TRPV3: variants seen among roughly 807,000 people sequenced by gnomAD.
TRPV3 encodes transient receptor potential cation channel subfamily V member 3, also known as VRL-3.
In TRPV3, 88 loss-of-function variants were observed where a neutral mutation model predicts 87.1. The observed-to-expected ratio is 1.01, with a 90% CI of 0.85 to 1.21. The LOEUF is 1.21. TRPV3 is among the 50% of genes most tolerant of loss of function. The pLI, the probability that TRPV3 is intolerant of heterozygous loss-of-function variation, is 0.00. For missense variants in TRPV3, 1,054 were observed against 1,030.1 expected, an observed-to-expected ratio of 1.02 and a Z score of -0.32; for synonymous variants, 438 against 423.3, an observed-to-expected ratio of 1.03 and a Z score of -0.43.
chr17:3,514,431 A>G (rs1424356760), intron 17 of TRPV3, 162 bp downstream of exon 17: 2 of 619,568 alleles, frequency 3.2e-6, no homozygotes, highest in African/African-American at 1.8e-5. Context: ...AGTTGTGCCA[A>G]CTAGGGTTCT....
intron 6 of TRPV3, among the ~76,000 whole-genome samples, chr17:3,537,762 C>T (rs1377114054): frequency 1.3e-5 from 2 of 151,268 alleles, no homozygotes; most frequent in Non-Finnish European, 2.9e-5. Context: ...AAAAATTAGC[C>T]AAGTGTGGTG....
intron 6 of TRPV3, chr17:3,539,467 C>G (rs993678746): frequency 3.3e-5 from 5 of 152,174 alleles, no homozygotes; most frequent in African/African-American, 9.6e-5. Flanking sequence ...GCCTGGGCAA[C>G]ATGGTGAAAC....
At chr17:3,514,240 G>A (rs920000507) in intron 17 of TRPV3, 6 of 485,684 alleles carry the variant, frequency 1.2e-5, no homozygotes, top group South Asian at 2.5e-5. Flanking sequence ...CACCACGTTC[G>A]GCTAATTTTT....
chr17:3,536,374 A>C (rs1301967412), intron 6 of TRPV3, among the ~76,000 whole-genome samples: 1 of 152,214 alleles, frequency 6.6e-6, no homozygotes, highest in Non-Finnish European at 1.5e-5. Context: ...GGATCACCTG[A>C]GGTCAGGAGT....
intron 1 of TRPV3, among the ~76,000 whole-genome samples, chr17:3,555,068 G>C (rs1173686530): frequency 6.6e-6 from 1 of 152,136 alleles, no homozygotes; most frequent in Non-Finnish European, 1.5e-5. Context: ...CAAATGCTAT[G>C]GTCCTAGGAG....
chr17:3,510,750 G>A lies in TRPV3; in HGVS notation c.*3167C>T, dbSNP rs574290643. On this transcript the variant is annotated 3_prime_UTR_variant, in exon 18 of 18. Transcript: ENST00000576742. ...GTAAATCAATGCAGAAATCAAGTAC[G>A]GCTTACAGGCCCGGATGACGGCCCA... 5.9e-5 allele frequency: 9 copies of A among 152,270 alleles called. No individual in the cohort carries two copies. The highest frequency in any genetic ancestry group is 1.2e-4 in the African/African-American group (5 of 41,562). The allele number at this position is 152,270 out of a possible 1,614,324, so 9.4% of individuals were successfully genotyped here.
Position 3,511,848 on chromosome 17 carries a change from C to T in TRPV3, c.*2069G>A, listed in dbSNP as rs2074117885. 1 of 152,218 alleles carries T rather than the reference C, an allele frequency of 6.6e-6. No homozygotes were observed. The highest frequency in any genetic ancestry group is 1.5e-5 in the Non-Finnish European group (1 of 68,040). The allele number at this position is 152,218 out of a possible 1,614,324, so 9.4% of individuals were successfully genotyped here. On this transcript the variant is annotated 3_prime_UTR_variant, in exon 18 of 18. Transcript: ENST00000576742. ...CGGCTTTATCCATTAATGGATATGA[C>T]TTTCTCCATTAATATCTGAGTCAAA...
Position 3,513,601 on chromosome 17 carries a change from C to A in TRPV3, c.*316G>T, listed in dbSNP as rs556333618. 24 of 265,134 alleles carry A rather than the reference C, an allele frequency of 9.1e-5. No homozygotes were observed. The highest frequency in any genetic ancestry group is 5.0e-4 in the African/African-American group (23 of 45,914). The allele number at this position is 265,134 out of a possible 1,614,324, so 16.4% of individuals were successfully genotyped here. On this transcript the variant is annotated 3_prime_UTR_variant, in exon 18 of 18. Coordinates refer to ENST00000576742, the MANE Select transcript of TRPV3 (RefSeq NM_145068.4). Reference sequence around the variant, plus strand: ...CTTTCCCGCCATCCATCTCTCCCAGCCAAGCCGACCTGCAATTGGTAAAAC... The same window carrying A: ...CTTTCCCGCCATCCATCTCTCCCAGACAAGCCGACCTGCAATTGGTAAAAC...
intron 14 of TRPV3, among the ~76,000 whole-genome samples, chr17:3,520,657 G>C (rs932896383): frequency 1.3e-5 from 2 of 152,258 alleles, no homozygotes; most frequent in Middle Eastern, 3.4e-3. Flanking sequence ...AAGTTGTTGA[G>C]AGAAGTAAAA....
Position 3,516,483 on chromosome 17 carries a change from G to A in TRPV3, c.2172C>T (p.Ala724=), listed in dbSNP as rs375957310. 20 of 1,613,808 alleles carry A rather than the reference G, an allele frequency of 1.2e-5. No homozygotes were observed. Among genetic ancestry groups the A allele is most frequent in the African/African-American group, 6.7e-5 (5 of 74,848 alleles). Residue 724 remains alanine (A), a synonymous_variant, in exon 16 of 18, where the codon GCC becomes GCT. Coordinates refer to ENST00000576742, the MANE Select transcript of TRPV3 (RefSeq NM_145068.4). ...GCAAACACAGTCGGAAATCATCCTC[G>A]GCCACTTTGCACAGCTCTCCCATCC... ...RFRMGELCKV[A]EDDFRLCLRI...
Position 3,556,723 on chromosome 17 carries a change from CA to C in TRPV3, c.-3+952del, listed in dbSNP as rs2074636561. Among the ~76,000 whole-genome samples, 1 of 152,168 alleles carries C rather than the reference CA, an allele frequency of 6.6e-6. No individual in the cohort carries two copies. Among genetic ancestry groups the C allele is most frequent in the African/African-American group, 2.4e-5 (1 of 41,442 alleles). ...GAGAGCTTTGGCCCTGGAGCGTAGG[CA>C]ACCTTGAGGCCAGGCAGGTGGAGTA... is the stretch of plus-strand genomic sequence containing the variant. On this transcript the variant is annotated intron_variant, in intron 1 of 17. Coordinates refer to ENST00000576742, the MANE Select transcript of TRPV3 (RefSeq NM_145068.4). This position sits in a 1 kb window ranked among gnomAD's most constrained non-coding sequence, Gnocchi z 4.2.
At chr17:3,555,092 G>C (rs1191683740) in intron 1 of TRPV3, among the ~76,000 whole-genome samples, 1 of 152,144 alleles carries the variant, frequency 6.6e-6, no homozygotes, top group Non-Finnish European at 1.5e-5. Flanking sequence ...CCAGCAGGGT[G>C]TCCCAGTAGA....
chr17:3,532,939 TG>T lies in TRPV3; in HGVS notation c.785-3del. On this transcript the variant is annotated splice_region_variant and splice_polypyrimidine_tract_variant and intron_variant, in intron 7 of 17. Transcript: ENST00000576742. ...CTGCCAGGGCCAGGGGCGTCTCACC[TG>T]GGGGATGAGCGCACTGAAGCTTGGT... 1 of 1,613,506 alleles carries T rather than the reference TG, an allele frequency of 6.2e-7. No individual in the cohort carries two copies. Among genetic ancestry groups the T allele is most frequent in the South Asian group, 1.1e-5 (1 of 91,066 alleles).
At chr17:3,527,761 G>A (rs867601913) in intron 11 of TRPV3, 5 of 498,346 alleles carry the variant, frequency 1.0e-5, no homozygotes, top group Middle Eastern at 5.5e-4. Context: ...GGATGGGGGT[G>A]GAAGAGGACA....
chr17:3,513,891 G>A lies in TRPV3; in HGVS notation c.*26C>T, dbSNP rs1567627233. On this transcript the variant is annotated 3_prime_UTR_variant, in exon 18 of 18. Coordinates refer to ENST00000576742, the MANE Select transcript of TRPV3 (RefSeq NM_145068.4). ...CCGCCTGCAGCGCCAGACAGCGCACGCGCACACCAGCTCTGGGTTCCGCTT... is the reference window on the plus strand; with the variant it reads ...CCGCCTGCAGCGCCAGACAGCGCACACGCACACCAGCTCTGGGTTCCGCTT... 2 of 1,595,804 alleles carry A rather than the reference G, an allele frequency of 1.3e-6. No homozygotes were observed. The highest frequency in any genetic ancestry group is 3.3e-5 in the Admixed American group (2 of 59,800).
At position 3,542,598 on chromosome 17, in the gene TRPV3, G is replaced by A. The variant is rs867868683; in HGVS notation, c.567C>T (p.Ile189=). 6.2e-7 allele frequency: 1 copy of A among 1,614,032 alleles called. No individual in the cohort carries two copies. The highest frequency in any genetic ancestry group is 8.5e-7 in the Non-Finnish European group (1 of 1,179,942). ...CGTTCTCTTCAGCAAAGGCAAGCAG[G>A]ATCCGCACTATCTCCTTGGTGTTGG... ...INPNTKEIVR[I]LLAFAEENDI... The change falls in exon 6 of 18, where the codon ATC becomes ATT. Residue 189 remains isoleucine, a synonymous_variant. Coordinates refer to ENST00000576742, the MANE Select transcript of TRPV3 (RefSeq NM_145068.4).
At chr17:3,547,073 T>C (rs1340515218) in intron 2 of TRPV3, among the ~76,000 whole-genome samples, 1 of 151,984 alleles carries the variant, frequency 6.6e-6, no homozygotes, top group Non-Finnish European at 1.5e-5. Context: ...GGTTGCCCTG[T>C]CTGCAGCCAC....
chr17:3,536,375 G>A (rs1486055932), intron 6 of TRPV3, among the ~76,000 whole-genome samples: 2 of 152,224 alleles, frequency 1.3e-5, no homozygotes, highest in East Asian at 3.9e-4. Flanking sequence ...GATCACCTGA[G>A]GTCAGGAGTT....
chr17:3,545,865 C>T (rs1230127742), intron 2 of TRPV3, among the ~76,000 whole-genome samples: 2 of 151,358 alleles, frequency 1.3e-5, no homozygotes, highest in Admixed American at 1.3e-4. Flanking sequence ...TGGCAGGCAC[C>T]TGTAACCCCA....
Sources: gnomAD v4.1 joint callset for allele counts (sites outside exome capture counted in the v4.1 genomes callset) on GRCh38, gnomAD v4.1.1 for gene constraint, Gnocchi (gnomAD v3.1) non-coding constraint, MANE v1.5 for transcripts, NCBI Gene and HGNC (gene_info 2026-07-23, HGNC 2026-07-21) for gene names.